Variants in ALCAM observed in about 807,000 individuals in gnomAD.
ALCAM encodes the protein activated leukocyte cell adhesion molecule, also known as CD166 antigen.
In ALCAM, 30 loss-of-function variants were observed where a neutral mutation model predicts 70.9. That is an observed-to-expected ratio of 0.42 (90% CI 0.32 to 0.57). The LOEUF is 0.57. ALCAM is among the 20% of genes least tolerant of loss of function. The probability of loss-of-function intolerance (pLI) is 0.11; values close to 1 mark genes in which losing one functional copy is unlikely to be tolerated. For missense variants in ALCAM, 591 were observed against 695.1 expected, an observed-to-expected ratio of 0.85 and a Z score of 1.68; for synonymous variants, 249 against 242.5, an observed-to-expected ratio of 1.03 and a Z score of -0.25.
At chr3:105,562,735 C>CT (rs1940652012) in intron 14 of ALCAM, among the ~76,000 whole-genome samples, 1 of 152,146 alleles carries the variant, frequency 6.6e-6, no homozygotes, top group Admixed American at 6.5e-5. Context: ...AATAATGAAA[C>CT]TAACTGGACC....
At chr3:105,527,404 C>G (rs1477175093) in intron 3 of ALCAM, among the ~76,000 whole-genome samples, 1 of 152,072 alleles carries the variant, frequency 6.6e-6, no homozygotes, top group African/African-American at 2.4e-5. Flanking sequence ...CCTCACCAGT[C>G]TGGGGCTAAG....
chr3:105,478,528 C>A (rs1174641862), intron 1 of ALCAM, among the ~76,000 whole-genome samples: 1 of 152,092 alleles, frequency 6.6e-6, no homozygotes, highest in African/African-American at 2.4e-5. Context: ...TACACATACG[C>A]AAACACACAC....
chr3:105,374,667 C>G (rs1226896546), intron 1 of ALCAM, among the ~76,000 whole-genome samples: 1 of 152,066 alleles, frequency 6.6e-6, no homozygotes, highest in African/African-American at 2.4e-5. Context: ...CAGGTGCCCA[C>G]CAGCTCGCCC....
At chr3:105,538,258 G>A (rs112956104) in intron 6 of ALCAM, among the ~76,000 whole-genome samples, 31 of 151,758 alleles carry the variant, frequency 2.0e-4, no homozygotes, top group Admixed American at 6.6e-5. Context: ...GAATAGAAGG[G>A]GAGAATCAGA....
intron 1 of ALCAM, among the ~76,000 whole-genome samples, chr3:105,399,501 A>T (rs756219111): frequency 6.6e-6 from 1 of 152,148 alleles, no homozygotes; most frequent in Non-Finnish European, 1.5e-5. Context: ...TAGTGGCAAT[A>T]AATGTATATT....
At chr3:105,377,889 G>A (rs1294952684) in intron 1 of ALCAM, among the ~76,000 whole-genome samples, 2 of 151,920 alleles carry the variant, frequency 1.3e-5, no homozygotes, top group African/African-American at 2.4e-5. Context: ...GTATTAGTTC[G>A]TTGTAGGTAC....
At chr3:105,486,036 T>C (rs1938419726) in intron 1 of ALCAM, among the ~76,000 whole-genome samples, 1 of 152,064 alleles carries the variant, frequency 6.6e-6, no homozygotes, top group Non-Finnish European at 1.5e-5. Context: ...GGTATGAAAC[T>C]TTTTGGATTA....
intron 1 of ALCAM, among the ~76,000 whole-genome samples, chr3:105,504,265 T>G (rs1415604496): frequency 6.6e-6 from 1 of 152,164 alleles, no homozygotes; most frequent in Non-Finnish European, 1.5e-5. Flanking sequence ...CGCAGTGTCT[T>G]GTGCTCTTTT....
intron 1 of ALCAM, among the ~76,000 whole-genome samples, chr3:105,380,576 T>C (rs951094927): frequency 6.6e-6 from 1 of 152,020 alleles, no homozygotes; most frequent in South Asian, 2.1e-4. Flanking sequence ...TTTGAGTCAG[T>C]GTTGAGCAAT....
intron 1 of ALCAM, among the ~76,000 whole-genome samples, chr3:105,411,571 T>A (rs1336505810): frequency 6.6e-6 from 1 of 152,110 alleles, no homozygotes; most frequent in Non-Finnish European, 1.5e-5. Flanking sequence ...TCCATTCATT[T>A]AATTTTCATA....
At chr3:105,420,265 T>TA (rs1398026941) in intron 1 of ALCAM, among the ~76,000 whole-genome samples, 4 of 151,650 alleles carry the variant, frequency 2.6e-5, no homozygotes, top group East Asian at 1.9e-4. Context: ...ACACCTTTAT[T>TA]AAAAAAATGG....
chr3:105,534,314 T>C (rs1378870126), intron 5 of ALCAM, among the ~76,000 whole-genome samples: 1 of 152,208 alleles, frequency 6.6e-6, no homozygotes, highest in African/African-American at 2.4e-5. Flanking sequence ...TTTTGAGCTA[T>C]GACTCTTATG....
At chr3:105,425,859 C>T (rs1936777795) in intron 1 of ALCAM, among the ~76,000 whole-genome samples, 1 of 151,042 alleles carries the variant, frequency 6.6e-6, no homozygotes, top group South Asian at 2.1e-4. Flanking sequence ...AAAACTTGTG[C>T]AATAATCTTT....
chr3:105,527,959 A>T (rs191214223), intron 3 of ALCAM, among the ~76,000 whole-genome samples: 1 of 152,128 alleles, frequency 6.6e-6, no homozygotes, highest in Non-Finnish European at 1.5e-5. Flanking sequence ...TAACAATGAG[A>T]TCTACACCAG....
chr3:105,568,053 A>ATTTTTTTTTTTTTTT (rs1175221243), intron 14 of ALCAM, among the ~76,000 whole-genome samples: 1 of 101,890 alleles, frequency 9.8e-6, no homozygotes, highest in Non-Finnish European at 2.0e-5. Context: ...TTATTATTTT[A>ATTTTTTTTTTTTTTT]TTTTATTTTA....
At chr3:105,508,307 G>T in intron 1 of ALCAM, among the ~76,000 whole-genome samples, 1 of 152,076 alleles carries the variant, frequency 6.6e-6, no homozygotes, top group East Asian at 1.9e-4. Context: ...ATCTAATAGT[G>T]ATGAGAATTG....
chr3:105,528,508 G>A (rs980646680), intron 3 of ALCAM, among the ~76,000 whole-genome samples: 5 of 152,132 alleles, frequency 3.3e-5, no homozygotes, highest in Admixed American at 3.3e-4. Context: ...TGTTTTAATT[G>A]ACACTAAATA....
In ALCAM at chr3:105,450,543, T is replaced by G. The variant is rs148599694; in HGVS notation, c.74-69524T>G. On this transcript the variant is annotated intron_variant, in intron 1 of 15. Coordinates refer to ENST00000306107, the MANE Select transcript of ALCAM (RefSeq NM_001627.4). ...AAAATACATATCAAACCATAAGGTG[T>G]TGTTTCTTTAATTGTATGGGTGCCA... Among the ~76,000 whole-genome samples the G allele has an allele frequency of 8.5e-3, 1,294 of 152,302 alleles. 19 individuals are homozygous for G. Among genetic ancestry groups the G allele is most frequent in the African/African-American group, 0.029 (1,209 of 41,566 alleles).
chr3:105,403,729 A>G (rs1936150899), intron 1 of ALCAM, among the ~76,000 whole-genome samples: 1 of 152,020 alleles, frequency 6.6e-6, no homozygotes, highest in South Asian at 2.1e-4. Flanking sequence ...ATCCAAACCA[A>G]GACAAAATTC....
Sources: gnomAD v4.1 joint callset for allele counts (sites outside exome capture counted in the v4.1 genomes callset) on GRCh38, gnomAD v4.1.1 for gene constraint, MANE v1.5 for transcripts, NCBI Gene and HGNC (gene_info 2026-07-23, HGNC 2026-07-21) for gene names.